The following GPR176 variants were observed in gnomAD, a reference collection of about 807,000 sequenced individuals.
GPR176 encodes G protein-coupled receptor 176, also known as G-protein coupled receptor 176.
GPR176 carries 26 observed loss-of-function variants against 35.4 expected under a neutral mutation model. The ratio of observed to expected loss-of-function variants is 0.74; its 90% CI spans 0.54 to 1.02. GPR176 has a LOEUF of 1.02. Ranked by LOEUF, GPR176 falls within the 50% of genes least tolerant of loss-of-function variation. The probability of loss-of-function intolerance (pLI) is 0.00; values close to 1 mark genes in which losing one functional copy is unlikely to be tolerated. For synonymous variants in GPR176, 278 were observed against 271.3 expected, an observed-to-expected ratio of 1.02 and a Z score of -0.24; for missense variants, 597 against 665.3, an observed-to-expected ratio of 0.90 and a Z score of 1.13.
rs77142914 is a variant in GPR176 at position 39,915,082 on chromosome 15, G to A, written c.172+4773C>T. ...CCACAGGCAAGTTGGATCTTTACTT[G>A]GGGTCATCAATTTCACATGCTCACT... On this transcript the variant is annotated intron_variant, in intron 1 of 2. Transcript: ENST00000561100. 2.7e-4 allele frequency among the ~76,000 whole-genome samples: 41 copies of A among 152,292 alleles called. No individual in the cohort carries two copies. The East Asian group carries it at 3.1e-3, about 11-fold the overall frequency.
intron 1 of GPR176, among the ~76,000 whole-genome samples, chr15:39,889,348 G>C (rs537685371): frequency 6.6e-6 from 1 of 152,100 alleles, no homozygotes; most frequent in African/African-American, 2.4e-5. Context: ...GGAAATTCGA[G>C]ACCAGCCTGA....
chr15:39,907,099 T>G (rs2033443731), intron 1 of GPR176, among the ~76,000 whole-genome samples: 1 of 152,162 alleles, frequency 6.6e-6, no homozygotes, highest in South Asian at 2.1e-4. Flanking sequence ...AAAGGATGGA[T>G]ACAAGCCAGC....
Position 39,879,486 on chromosome 15 carries a change from C to T in GPR176, c.172+40369G>A, listed in dbSNP as rs148118566. Among the ~76,000 whole-genome samples, 5 of 152,226 alleles carry T rather than the reference C, an allele frequency of 3.3e-5. No individual in the cohort carries two copies. The South Asian group carries it at 8.3e-4, about 25-fold the overall frequency. On this transcript the variant is annotated intron_variant, in intron 1 of 2. Transcript: ENST00000561100. ...CAATTAATGCCACCACACTTCACAT[C>T]CTTGTCATATGTGCAAAACTGTACT...
rs1898901083 is a variant in GPR176 at position 39,801,936 on chromosome 15, T to C, written c.744A>G (p.Pro248=). 2 of 1,613,906 alleles carry C rather than the reference T, an allele frequency of 1.2e-6. No homozygotes were observed. The highest frequency in any genetic ancestry group is 1.7e-6 in the Non-Finnish European group (2 of 1,179,988). Reference sequence around the variant, plus strand: ...CATAGGGAATAGAGATGGTGTTCTGTGGGGTCCGGAGCGCTGCTATGATGA... The same window carrying C: ...CATAGGGAATAGAGATGGTGTTCTGCGGGGTCCGGAGCGCTGCTATGATGA... ...KKVIIAALRT[P]QNTISIPYAS... Residue 248 remains proline (P), a synonymous_variant, in exon 3 of 3, where the codon CCA becomes CCG. Coordinates refer to ENST00000561100, the MANE Select transcript of GPR176 (RefSeq NM_007223.3).
At chr15:39,877,641 A>G (rs2032303896) in intron 1 of GPR176, among the ~76,000 whole-genome samples, 1 of 151,328 alleles carries the variant, frequency 6.6e-6, no homozygotes, top group South Asian at 2.1e-4. Flanking sequence ...GGTCACTGCA[A>G]CCTGCACCTC....
At chr15:39,827,078 A>C (rs1900709834) in intron 1 of GPR176, among the ~76,000 whole-genome samples, 1 of 152,182 alleles carries the variant, frequency 6.6e-6, no homozygotes, top group African/African-American at 2.4e-5. Context: ...GGCTATGCTA[A>C]AAACAGATAC....
chr15:39,914,392 C>G (rs1252964321), intron 1 of GPR176, among the ~76,000 whole-genome samples: 1 of 146,284 alleles, frequency 6.8e-6, no homozygotes, highest in African/African-American at 2.5e-5. Flanking sequence ...CTGCTCACTG[C>G]AACCTCTGCC....
chr15:39,872,911 C>CTGTGTG (rs6145533), intron 1 of GPR176, among the ~76,000 whole-genome samples: 48 of 141,496 alleles, frequency 3.4e-4, no homozygotes, highest in Non-Finnish European at 6.3e-4. Context: ...TCCAAAATAT[C>CTGTGTG]TGTGTGTGTG....
At chr15:39,886,432 AC>A (rs1566962689) in intron 1 of GPR176, among the ~76,000 whole-genome samples, 1 of 151,618 alleles carries the variant, frequency 6.6e-6, no homozygotes. Context: ...TTCATCCCCC[AC>A]CCCCATCTTG....
At chr15:39,816,756 A>G (rs1194551113) in intron 1 of GPR176, among the ~76,000 whole-genome samples, 1 of 152,186 alleles carries the variant, frequency 6.6e-6, no homozygotes, top group African/African-American at 2.4e-5. Flanking sequence ...TTACTTGTTT[A>G]ATAAAAGACA....
chr15:39,842,328 C>T (rs1167613824), intron 1 of GPR176, among the ~76,000 whole-genome samples: 1 of 152,076 alleles, frequency 6.6e-6, no homozygotes, highest in Non-Finnish European at 1.5e-5. Flanking sequence ...TTTCAGACAA[C>T]CAGATCTTGG....
intron 1 of GPR176, among the ~76,000 whole-genome samples, chr15:39,824,021 G>A (rs1361662542): frequency 6.6e-6 from 1 of 152,216 alleles, no homozygotes; most frequent in Admixed American, 6.5e-5. Flanking sequence ...TTGAGTCATG[G>A]GGGTGGATCC....
chr15:39,867,530 C>T lies in GPR176; in HGVS notation c.172+52325G>A, dbSNP rs528091225. 1.1e-4 allele frequency among the ~76,000 whole-genome samples: 17 copies of T among 152,214 alleles called. No individual in the cohort carries two copies. In the South Asian group the frequency reaches 2.3e-3, roughly 20 times the overall value. ...CAGCTGGGAAACGCCTCAAAGGCCC[C>T]AGGGTTTGAACCTCACGCTGGAGGC... On this transcript the variant is annotated intron_variant, in intron 1 of 2. Transcript: ENST00000561100.
At chr15:39,866,517 G>A (rs1229560265) in intron 1 of GPR176, among the ~76,000 whole-genome samples, 2 of 152,130 alleles carry the variant, frequency 1.3e-5, no homozygotes, top group Non-Finnish European at 2.9e-5. Context: ...TGGATAGTAA[G>A]AAATAGCAAA....
intron 1 of GPR176, among the ~76,000 whole-genome samples, chr15:39,872,547 G>A (rs1595497311): frequency 6.6e-6 from 1 of 152,196 alleles, no homozygotes; most frequent in Admixed American, 6.6e-5. Flanking sequence ...TAGTGTGTGT[G>A]TATTAGAGCA....
intron 1 of GPR176, among the ~76,000 whole-genome samples, chr15:39,809,499 A>G (rs1220344539): frequency 2.6e-5 from 4 of 152,222 alleles, no homozygotes; most frequent in Non-Finnish European, 4.4e-5. Flanking sequence ...TTTACAAGGC[A>G]TACCAAGTAA....
chr15:39,917,945 T>C (rs1422366256), intron 1 of GPR176, among the ~76,000 whole-genome samples: 1 of 149,346 alleles, frequency 6.7e-6, no homozygotes, highest in Non-Finnish European at 1.5e-5. Context: ...CTCAGGGGGC[T>C]GAGGCAGGAG....
At chr15:39,815,077 T>C (rs940220697) in intron 1 of GPR176, 10 of 151,776 alleles carry the variant, frequency 6.6e-5, no homozygotes, top group Admixed American at 1.3e-4. Context: ...TTAAGTGTTA[T>C]ATGTTACTGT....
chr15:39,810,323 A>C (rs1899467874), intron 1 of GPR176, among the ~76,000 whole-genome samples: 1 of 152,202 alleles, frequency 6.6e-6, no homozygotes, highest in Non-Finnish European at 1.5e-5. Flanking sequence ...AAGATAGTGG[A>C]TGTGGAAGAC....
Sources: gnomAD v4.1 joint callset for allele counts (sites outside exome capture counted in the v4.1 genomes callset) on GRCh38, gnomAD v4.1.1 for gene constraint, MANE v1.5 for transcripts, NCBI Gene and HGNC (gene_info 2026-07-23, HGNC 2026-07-21) for gene names.